ZC3H12B: variants seen among roughly 807,000 people sequenced by gnomAD.
The protein encoded by ZC3H12B is zinc finger CCCH-type containing 12B, also known as probable ribonuclease ZC3H12B.
In ZC3H12B, 7 loss-of-function variants were observed where a neutral mutation model predicts 43.9. The ratio of observed to expected loss-of-function variants is 0.16; its 90% confidence interval spans 0.09 to 0.30. The LOEUF (loss-of-function observed/expected upper bound fraction) is 0.30. Among genes scored for constraint, ZC3H12B ranks in the 10% least tolerant of loss-of-function variants. ZC3H12B has a pLI of 1.00. For missense variants in ZC3H12B, 475 were observed against 670.2 expected, an observed-to-expected ratio of 0.71 and a Z score of 3.22; for synonymous variants, 222 against 241.7, an observed-to-expected ratio of 0.92 and a Z score of 0.76.
chrX:65,288,732 A>T, the ZC3H12B span, among the ~76,000 whole-genome samples: 1 of 111,769 alleles, frequency 8.9e-6, no homozygotes, highest in East Asian at 2.8e-4. Context: ...ACAGTACTAG[A>T]AGTCCTAGCT....
the ZC3H12B span, among the ~76,000 whole-genome samples, chrX:65,254,520 G>A: frequency 8.9e-6 from 1 of 111,988 alleles, no homozygotes; most frequent in Non-Finnish European, 1.9e-5. Flanking sequence ...ATAAAACCAC[G>A]AAGGACATCA....
At chrX:65,333,600 T>A in the ZC3H12B span, among the ~76,000 whole-genome samples, 45 of 112,382 alleles carry the variant, frequency 4.0e-4, 1 homozygote, top group African/African-American at 1.4e-3. Context: ...AGTTATCACC[T>A]GTCCTGCTTG....
At chrX:65,237,033 C>T in the ZC3H12B span, among the ~76,000 whole-genome samples, 1 of 111,783 alleles carries the variant, frequency 8.9e-6, no homozygotes, top group East Asian at 2.8e-4. Context: ...TGTTTGGGCT[C>T]TTTTGTGGTT....
chrX:65,327,748 A>G, the ZC3H12B span, among the ~76,000 whole-genome samples: 1 of 111,722 alleles, frequency 9.0e-6, no homozygotes, highest in Non-Finnish European at 1.9e-5. Context: ...AACACTCTAT[A>G]TCATGTTTCT....
chrX:65,161,628 C>T, the ZC3H12B span, among the ~76,000 whole-genome samples: 3 of 111,739 alleles, frequency 2.7e-5, no homozygotes, highest in Non-Finnish European at 3.8e-5. Context: ...GCTCTTCCTG[C>T]ATCCTTTTAT....
intron 3 of ZC3H12B, among the ~76,000 whole-genome samples, chrX:65,429,565 G>A (rs1232893266): frequency 2.7e-5 from 3 of 112,562 alleles, no homozygotes; most frequent in Non-Finnish European, 3.8e-5. Context: ...CAATGAAGGG[G>A]GTGGGGGGCT....
the ZC3H12B span, among the ~76,000 whole-genome samples, chrX:65,211,686 TATA>T: frequency 1.3e-3 from 111 of 88,302 alleles, 1 homozygote; most frequent in East Asian, 6.9e-3. Context: ...TAATTATATA[TATA>T]ATATTATATA....
the ZC3H12B span, among the ~76,000 whole-genome samples, chrX:65,046,853 T>G: frequency 9.0e-6 from 1 of 111,203 alleles, no homozygotes; most frequent in Non-Finnish European, 1.9e-5. Context: ...GGTTATTAAT[T>G]ATCATGATTT....
chrX:65,303,492 A>T, the ZC3H12B span, among the ~76,000 whole-genome samples: 100 of 112,572 alleles, frequency 8.9e-4, no homozygotes, highest in African/African-American at 3.1e-3. Context: ...AAAATCCATC[A>T]TCCATTTTTA....
At chrX:65,098,264 G>A in the ZC3H12B span, among the ~76,000 whole-genome samples, 8,804 of 101,246 alleles carry the variant, frequency 0.087, 1,013 homozygotes, top group African/African-American at 0.36. Context: ...ACACACAACT[G>A]GAACAGAAGT....
At chrX:65,409,647 C>CA (rs898614724) in intron 3 of ZC3H12B, among the ~76,000 whole-genome samples, 13 of 105,577 alleles carry the variant, frequency 1.2e-4, no homozygotes, top group Non-Finnish European at 1.6e-4. Context: ...AATTAACATA[C>CA]AAAAAAAATC....
chrX:65,475,638 C>A (rs1415377196), intron 3 of ZC3H12B, among the ~76,000 whole-genome samples: 1 of 111,599 alleles, frequency 9.0e-6, no homozygotes, highest in Non-Finnish European at 1.9e-5. Flanking sequence ...AAGACATACC[C>A]AAGACTGGGT....
At chrX:65,185,785 C>T in the ZC3H12B span, 1 of 111,200 alleles carries the variant, frequency 9.0e-6, no homozygotes, top group Non-Finnish European at 1.9e-5. Context: ...ATATCAGGAA[C>T]TTCAAGCAGA....
the ZC3H12B span, among the ~76,000 whole-genome samples, chrX:65,203,904 G>T: frequency 1.8e-5 from 2 of 111,902 alleles, no homozygotes; most frequent in African/African-American, 6.5e-5. Context: ...CTGAACTGAG[G>T]TTCCAAATGC....
At chrX:65,169,288 T>C in the ZC3H12B span, among the ~76,000 whole-genome samples, 1 of 112,335 alleles carries the variant, frequency 8.9e-6, no homozygotes, top group Non-Finnish European at 1.9e-5. Flanking sequence ...CATTTGATTA[T>C]GTACCCCGTA....
chrX:65,441,129 C>A (rs2067296057), intron 3 of ZC3H12B, among the ~76,000 whole-genome samples: 1 of 111,879 alleles, frequency 8.9e-6, no homozygotes, highest in Non-Finnish European at 1.9e-5. Flanking sequence ...GTGGGCTATA[C>A]AATTGTTCTG....
In ZC3H12B at chrX:65,502,498, C is replaced by T. The variant is rs761797388; in HGVS notation, c.1800C>T (p.Asn600=). 6 of 1,210,776 alleles carry T rather than the reference C, an allele frequency of 5.0e-6. No individual in the cohort carries two copies. The South Asian group carries it at 7.0e-5, about 14-fold the overall frequency. The change falls in exon 5 of 5, where the codon AAC becomes AAT. Residue 600 remains asparagine (N), a synonymous_variant. Transcript: ENST00000338957. ...ATGACAACTATTCCTCTTACAACAACGTGTATTTGGCTGTAGCTGATACCC... is the reference window on the plus strand; with the variant it reads ...ATGACAACTATTCCTCTTACAACAATGTGTATTTGGCTGTAGCTGATACCC...
At chrX:65,055,085 C>T in the ZC3H12B span, among the ~76,000 whole-genome samples, 1 of 111,242 alleles carries the variant, frequency 9.0e-6, no homozygotes, top group African/African-American at 3.3e-5. Flanking sequence ...ATTTCCTTCT[C>T]CTGCCTGATT....
the ZC3H12B span, among the ~76,000 whole-genome samples, chrX:65,285,732 C>G: frequency 9.0e-6 from 1 of 111,562 alleles, no homozygotes. Flanking sequence ...AGTGATAGGA[C>G]AGCATTCACC....
Sources: gnomAD v4.1 joint callset for allele counts (sites outside exome capture counted in the v4.1 genomes callset) on GRCh38, gnomAD v4.1.1 for gene constraint, MANE v1.5 for transcripts, NCBI Gene and HGNC (gene_info 2026-07-23, HGNC 2026-07-21) for gene names.